SLC35F5: variants seen among roughly 807,000 people sequenced by gnomAD.
SLC35F5 encodes HCV NS5A-transactivated protein 3.
SLC35F5 carries 54 observed loss-of-function variants against 68.6 expected under a neutral mutation model. That is an observed-to-expected ratio of 0.79 (90% CI 0.63 to 0.99). SLC35F5 has a LOEUF of 0.99. SLC35F5 is among the 50% of genes least tolerant of loss of function. The pLI is 0.00. For missense variants in SLC35F5, 567 were observed against 626.9 expected (o/e 0.90, Z 1.02); for synonymous variants, 211 against 205.2 (o/e 1.03, Z -0.24).
intron 8 of SLC35F5, 109 bp downstream of exon 8, chr2:113,735,668 C>T: frequency 1.5e-6 from 1 of 650,872 alleles, no homozygotes; most frequent in Admixed American, 3.2e-5. Context: ...TATATTAGAA[C>T]TAATGTAAGA....
Position 113,742,739 on chromosome 2 carries a change from G to A in SLC35F5, c.703C>T (p.Leu235Phe), listed in dbSNP as rs986908406. 2 of 1,613,986 alleles carry A rather than the reference G, an allele frequency of 1.2e-6. No individual in the cohort carries two copies. The highest frequency in any genetic ancestry group is 1.7e-6 in the Non-Finnish European group (2 of 1,179,984). Residue 235 changes from leucine to phenylalanine, a missense_variant, in exon 7 of 16, where the codon CTT becomes TTT. Physicochemically the swap from Leu to Phe is conservative, Grantham distance 22. Coordinates refer to ENST00000245680, the MANE Select transcript of SLC35F5 (RefSeq NM_025181.5). ...QESILKTVGK[L>F]TATQVAKISF... Reference sequence around the variant, plus strand: ...ATTTTCGCTACTTGAGTTGCAGTAAGTTTCCCCACAGTTTTCAGTATGGAT... The same window carrying A: ...ATTTTCGCTACTTGAGTTGCAGTAAATTTCCCCACAGTTTTCAGTATGGAT...
In SLC35F5 at chr2:113,712,880, G is replaced by C. The variant is rs1047167287; in HGVS notation, c.*2338C>G. On this transcript the variant is annotated 3_prime_UTR_variant, in exon 16 of 16. Coordinates refer to ENST00000245680, the MANE Select transcript of SLC35F5 (RefSeq NM_025181.5). The stretch of plus-strand genomic sequence containing the variant: ...CTGACAGAGAGGAAGGACGTCAGCA[G>C]TTACTTGAATGTAACCCCTTCCCAG... 6.6e-6 allele frequency: 1 copy of C among 152,188 alleles called. No homozygotes were observed. Among genetic ancestry groups the C allele is most frequent in the Non-Finnish European group, 1.5e-5 (1 of 68,030 alleles). The allele number at this position is 152,188 out of a possible 1,614,324, so 9.4% of individuals were successfully genotyped here.
chr2:113,704,388 G>A (rs1251807229), downstream of SLC35F5, among the ~76,000 whole-genome samples: 1 of 152,224 alleles, frequency 6.6e-6, no homozygotes, highest in Non-Finnish European at 1.5e-5. Flanking sequence ...GGGGCCACAG[G>A]TGGAGCTGCC....
intron 12 of SLC35F5, 102 bp downstream of exon 12, chr2:113,725,276 T>C: frequency 9.8e-7 from 1 of 1,018,728 alleles, no homozygotes; most frequent in South Asian, 1.4e-5. Context: ...TGTTGCAGAA[T>C]GGGGTGCACA....
At chr2:113,729,986 C>G (rs1360089372) in intron 10 of SLC35F5, among the ~76,000 whole-genome samples, 2 of 152,170 alleles carry the variant, frequency 1.3e-5, no homozygotes, top group Non-Finnish European at 2.9e-5. Context: ...CTTAAAGGCT[C>G]TGTTAAAGTT....
At chr2:113,741,688 C>T (rs1165950971) in intron 7 of SLC35F5, among the ~76,000 whole-genome samples, 1 of 122,152 alleles carries the variant, frequency 8.2e-6, no homozygotes, top group Admixed American at 8.8e-5. Context: ...GCAACAAGAG[C>T]GAAACTCCAT....
chr2:113,745,151 T>C (rs541357695), intron 5 of SLC35F5, among the ~76,000 whole-genome samples: 1 of 152,316 alleles, frequency 6.6e-6, no homozygotes, highest in East Asian at 1.9e-4. Flanking sequence ...ATCTTACAGA[T>C]AATAGTAAGA....
chr2:113,725,144 T>G (rs757939939), intron 12 of SLC35F5, among the ~76,000 whole-genome samples: 1 of 152,190 alleles, frequency 6.6e-6, no homozygotes, highest in Admixed American at 6.5e-5. Context: ...ATATTCATTC[T>G]TTCATTCAAC....
At position 113,710,713 on chromosome 2, in the gene SLC35F5, T is replaced by G. The variant is rs1686955625; in HGVS notation, c.*4505A>C. Among the ~76,000 whole-genome samples the G allele has an allele frequency of 6.6e-6, 1 of 151,648 alleles. No homozygotes were observed. The highest frequency in any genetic ancestry group is 2.4e-5 in the African/African-American group (1 of 41,210). ...ATGGCTTGAGCTTGGGAGGTTGCAG[T>G]GAGCCAAGATCCTGCCACTGCACTC... is the stretch of plus-strand genomic sequence containing the variant. On this transcript the variant is annotated 3_prime_UTR_variant, in exon 16 of 16. Transcript: ENST00000245680.
chr2:113,746,441 A>C, intron 4 of SLC35F5, 102 bp from the exon 5 acceptor site: 2 of 813,970 alleles, frequency 2.5e-6, no homozygotes, highest in Non-Finnish European at 4.2e-6. Flanking sequence ...TCCAGAATCA[A>C]CCTGTAAGAC....
rs553789598 is a variant in SLC35F5, at chr2:113,756,427, C to G, written c.-18G>C. 2 of 1,544,794 alleles carry G rather than the reference C, an allele frequency of 1.3e-6. No individual in the cohort carries two copies. The highest frequency in any genetic ancestry group is 2.4e-5 in the South Asian group (2 of 84,112). On this transcript the variant is annotated 5_prime_UTR_variant, in exon 1 of 16. Transcript: ENST00000245680. ...GGCACCATGAGCGGACCGGTCAGGC[C>G]CCGCAGCCGCCCAGCGCCACGGCCG... is the stretch of plus-strand genomic sequence containing the variant.
intron 13 of SLC35F5, 75 bp from the exon 14 acceptor site, chr2:113,719,383 T>C: frequency 7.3e-7 from 1 of 1,361,284 alleles, no homozygotes; most frequent in East Asian, 2.4e-5. Context: ...ATGTAAGTTT[T>C]CTATTTGTGA....
chr2:113,728,873 AT>A (rs768657204), intron 11 of SLC35F5, among the ~76,000 whole-genome samples: 4 of 152,348 alleles, frequency 2.6e-5, no homozygotes, highest in African/African-American at 4.8e-5. Flanking sequence ...AGAAACTATA[AT>A]TGGGTAATTT....
At chr2:113,752,757 G>GA (rs1399217198) in intron 3 of SLC35F5, among the ~76,000 whole-genome samples, 7 of 151,662 alleles carry the variant, frequency 4.6e-5, no homozygotes, top group Non-Finnish European at 1.0e-4. Flanking sequence ...AACTTAATGG[G>GA]AAAAAAAAGT....
chr2:113,737,525 GA>G (rs1365125546), intron 7 of SLC35F5, among the ~76,000 whole-genome samples: 1 of 152,186 alleles, frequency 6.6e-6, no homozygotes, highest in Non-Finnish European at 1.5e-5. Context: ...ATCTGTCAAA[GA>G]TTTTCTCCAT....
intron 3 of SLC35F5, among the ~76,000 whole-genome samples, 186 bp downstream of exon 3, chr2:113,754,979 C>A (rs1220174570): frequency 6.6e-6 from 1 of 152,042 alleles, no homozygotes; most frequent in Non-Finnish European, 1.5e-5. Context: ...CTGTATGAAA[C>A]AATAAAAAGG....
At position 113,719,164 on chromosome 2, in the gene SLC35F5, G is replaced by A. The variant is rs1483244089; in HGVS notation, c.1486C>T (p.Arg496Ter). The A allele has an allele frequency of 4.4e-6, 7 of 1,603,216 alleles. No individual in the cohort carries two copies. Among genetic ancestry groups the A allele is most frequent in the South Asian group, 1.1e-5 (1 of 88,424 alleles). The change falls in exon 14 of 16, where the codon CGA (arginine) becomes TGA (stop). Residue 496 changes from arginine to a stop codon, truncating the protein, a stop_gained. Transcript: ENST00000245680. LOFTEE classifies it high-confidence loss of function. Reference sequence around the variant, plus strand: ...TGGGACTAAACTTACCTCTGAATTCGATGTTTTCTGCATATAAAAGCAAAT... The same window carrying A: ...TGGGACTAAACTTACCTCTGAATTCAATGTTTTCTGCATATAAAAGCAAAT... ...RIFAFICRKHRIQRVPEDSEQ... is the reference protein window; with the variant it reads ...RIFAFICRKH
chr2:113,748,058 C>G (rs996775025), intron 4 of SLC35F5, among the ~76,000 whole-genome samples: 1 of 152,180 alleles, frequency 6.6e-6, no homozygotes, highest in African/African-American at 2.4e-5. Flanking sequence ...CGCCACTGCA[C>G]TCTAGCCTGG....
intron 5 of SLC35F5, among the ~76,000 whole-genome samples, chr2:113,744,102 A>C (rs1210456436): frequency 3.3e-5 from 5 of 152,188 alleles, no homozygotes; most frequent in African/African-American, 4.8e-5. Context: ...CAGCTAACAG[A>C]TTCTCTCTCA....
Sources: gnomAD v4.1 joint callset for allele counts (sites outside exome capture counted in the v4.1 genomes callset) on GRCh38, gnomAD v4.1.1 for gene constraint, MANE v1.5 for transcripts, NCBI Gene and HGNC (gene_info 2026-07-23, HGNC 2026-07-21) for gene names.